GUCY1A2: variants seen among roughly 807,000 people sequenced by gnomAD.
The protein encoded by GUCY1A2 is guanylate cyclase soluble subunit alpha-2.
Under a neutral mutation model 63.5 loss-of-function variants are expected in GUCY1A2, and 27 were observed. The ratio of observed to expected loss-of-function variants is 0.43; its 90% CI spans 0.31 to 0.59. The LOEUF (loss-of-function observed/expected upper bound fraction) is 0.59. Ranked by LOEUF, GUCY1A2 falls within the 20% of genes least tolerant of loss-of-function variation. The pLI is 0.11. For synonymous variants in GUCY1A2, 364 were observed against 343.5 expected (o/e 1.06, Z -0.66); for missense variants, 768 against 913.3 (o/e 0.84, Z 2.05).
intron 4 of GUCY1A2, among the ~76,000 whole-genome samples, chr11:106,838,363 C>G (rs1859144967): frequency 6.6e-6 from 1 of 151,838 alleles, no homozygotes; most frequent in African/African-American, 2.4e-5. Flanking sequence ...TAGAGTCAAT[C>G]AATGTATGAA....
chr11:106,955,416 G>T (rs2120040589), intron 3 of GUCY1A2, among the ~76,000 whole-genome samples: 1 of 152,266 alleles, frequency 6.6e-6, no homozygotes, highest in South Asian at 2.1e-4. Context: ...TTTATATTTT[G>T]CTGTGTTTTT....
intron 5 of GUCY1A2, among the ~76,000 whole-genome samples, chr11:106,791,436 T>A (rs984945147): frequency 2.0e-5 from 3 of 152,084 alleles, no homozygotes; most frequent in African/African-American, 7.2e-5. Flanking sequence ...TTAAATCAGA[T>A]ACTGTGAGTA....
intron 3 of GUCY1A2, among the ~76,000 whole-genome samples, chr11:106,960,774 A>G (rs1314368774): frequency 6.6e-6 from 1 of 152,074 alleles, no homozygotes; most frequent in Non-Finnish European, 1.5e-5. Flanking sequence ...CCTCTTTTCT[A>G]CAGAAGCTAG....
At chr11:106,972,657 C>G (rs972717618) in intron 3 of GUCY1A2, among the ~76,000 whole-genome samples, 1 of 152,062 alleles carries the variant, frequency 6.6e-6, no homozygotes, top group African/African-American at 2.4e-5. Flanking sequence ...TCACAAGATT[C>G]AGAAGAAGAT....
chr11:106,851,619 A>G (rs949803969), intron 4 of GUCY1A2, among the ~76,000 whole-genome samples: 23 of 151,902 alleles, frequency 1.5e-4, no homozygotes, highest in Admixed American at 1.5e-3. Flanking sequence ...TCTTTACCCA[A>G]TGTATGTTCT....
chr11:107,006,824 G>A (rs768027434), intron 1 of GUCY1A2, among the ~76,000 whole-genome samples: 1 of 152,226 alleles, frequency 6.6e-6, no homozygotes, highest in Non-Finnish European at 1.5e-5. Context: ...TTGGGATTAT[G>A]AAGGACTGAC....
chr11:107,006,124 A>C (rs1471207180), intron 1 of GUCY1A2, among the ~76,000 whole-genome samples: 1 of 152,236 alleles, frequency 6.6e-6, no homozygotes, highest in African/African-American at 2.4e-5. Context: ...GAATTTATCC[A>C]GTGATGCCCA....
chr11:106,970,136 G>T (rs771018619), intron 3 of GUCY1A2, among the ~76,000 whole-genome samples: 2 of 152,164 alleles, frequency 1.3e-5, no homozygotes, highest in African/African-American at 4.8e-5. Context: ...ACTCAGGCAA[G>T]CTGGGGGTTA....
chr11:106,767,164 C>G (rs2135395934), intron 6 of GUCY1A2, among the ~76,000 whole-genome samples: 1 of 152,188 alleles, frequency 6.6e-6, no homozygotes, highest in Non-Finnish European at 1.5e-5. Context: ...TAGATTATAA[C>G]TTATTTAAAG....
chr11:106,933,529 C>T (rs1591333100), intron 4 of GUCY1A2, among the ~76,000 whole-genome samples: 1 of 152,138 alleles, frequency 6.6e-6, no homozygotes, highest in East Asian at 1.9e-4. Context: ...TTGTGAAAAA[C>T]AGTTTGGAGA....
intron 6 of GUCY1A2, among the ~76,000 whole-genome samples, chr11:106,755,141 G>T (rs1221844153): frequency 6.6e-6 from 1 of 152,120 alleles, no homozygotes; most frequent in Non-Finnish European, 1.5e-5. Context: ...TTGCAAAGGG[G>T]TGTTTATAGT....
chr11:106,708,988 T>C (rs950979021), intron 6 of GUCY1A2, among the ~76,000 whole-genome samples: 1 of 150,692 alleles, frequency 6.6e-6, no homozygotes, highest in South Asian at 2.1e-4. Flanking sequence ...ACTTGAAAAG[T>C]ATATTTTTCT....
At chr11:106,758,339 G>T (rs535901579) in intron 6 of GUCY1A2, among the ~76,000 whole-genome samples, 1 of 152,170 alleles carries the variant, frequency 6.6e-6, no homozygotes, top group South Asian at 2.1e-4. Flanking sequence ...TGCTGGTTGC[G>T]AACACAGTGG....
At chr11:106,781,127 A>G (rs1458339087) in intron 5 of GUCY1A2, among the ~76,000 whole-genome samples, 30 of 149,282 alleles carry the variant, frequency 2.0e-4, no homozygotes, top group Admixed American at 1.9e-3. Flanking sequence ...AAAAAAAAAA[A>G]AAAAAAGAAA....
At chr11:106,878,782 T>TAAAAAAAAAA (rs372754272) in intron 4 of GUCY1A2, among the ~76,000 whole-genome samples, 2 of 138,002 alleles carry the variant, frequency 1.4e-5, no homozygotes, top group Non-Finnish European at 1.6e-5. Context: ...ACTTAAAAGT[T>TAAAAAAAAAA]AAAAAAAAAA....
chr11:106,856,659 AT>A (rs1318834588), intron 4 of GUCY1A2, among the ~76,000 whole-genome samples: 12 of 152,332 alleles, frequency 7.9e-5, no homozygotes, highest in African/African-American at 2.6e-4. Flanking sequence ...CAAAATTTCC[AT>A]TAAGTGTCTG....
At chr11:106,807,831 T>C (rs1858712485) in intron 5 of GUCY1A2, among the ~76,000 whole-genome samples, 1 of 152,192 alleles carries the variant, frequency 6.6e-6, no homozygotes, top group African/African-American at 2.4e-5. Flanking sequence ...TTGGCCTTCA[T>C]CTTTCTTTTG....
At chr11:106,765,174 A>C (rs112868122) in intron 6 of GUCY1A2, among the ~76,000 whole-genome samples, 3 of 151,892 alleles carry the variant, frequency 2.0e-5, no homozygotes, top group African/African-American at 7.2e-5. Context: ...TAATATGTAA[A>C]TGTCAAGCTA....
At chr11:106,945,794 G>C (rs868610786) in intron 3 of GUCY1A2, among the ~76,000 whole-genome samples, 1 of 152,152 alleles carries the variant, frequency 6.6e-6, no homozygotes, top group Non-Finnish European at 1.5e-5. Context: ...GAGAAACCCT[G>C]TCTCTACTAA....
Sources: gnomAD v4.1 joint callset for allele counts (sites outside exome capture counted in the v4.1 genomes callset) on GRCh38, gnomAD v4.1.1 for gene constraint, MANE v1.5 for transcripts, NCBI Gene and HGNC (gene_info 2026-07-23, HGNC 2026-07-21) for gene names.